TPST1: variants seen among roughly 807,000 people sequenced by gnomAD.
TPST1 encodes tyrosylprotein sulfotransferase 1.
In TPST1, 20 loss-of-function variants were observed where a neutral mutation model predicts 34.8. That is an observed-to-expected ratio of 0.57 (90% CI 0.40 to 0.84). The LOEUF (loss-of-function observed/expected upper bound fraction) is 0.84. Among genes scored for constraint, TPST1 ranks in the 40% least tolerant of loss-of-function variants. The pLI is 0.00. For missense variants in TPST1, 353 were observed against 455.5 expected (o/e 0.78, Z 2.05); for synonymous variants, 152 against 159.4 (o/e 0.95, Z 0.35).
At chr7:66,209,644 CT>C (rs1277944224) in intron 1 of TPST1, among the ~76,000 whole-genome samples, 1 of 152,186 alleles carries the variant, frequency 6.6e-6, no homozygotes, top group Non-Finnish European at 1.5e-5. Flanking sequence ...CTGGTTATCT[CT>C]GCAGTAAAGC....
chr7:66,313,044 T>A (rs1440965268), intron 3 of TPST1, among the ~76,000 whole-genome samples: 1 of 120,242 alleles, frequency 8.3e-6, no homozygotes, highest in Non-Finnish European at 1.7e-5. Flanking sequence ...TTCTTTTGAT[T>A]TTAAGGATCC....
intron 2 of TPST1, among the ~76,000 whole-genome samples, chr7:66,267,658 A>C (rs1790618434): frequency 6.6e-6 from 1 of 152,206 alleles, no homozygotes; most frequent in African/African-American, 2.4e-5. Flanking sequence ...CCTTATGCTA[A>C]CTATTAATCT....
chr7:66,284,905 C>T (rs772660893), intron 2 of TPST1, among the ~76,000 whole-genome samples: 13 of 152,130 alleles, frequency 8.5e-5, no homozygotes, highest in Non-Finnish European at 1.3e-4. Flanking sequence ...TTAATCATTT[C>T]TTTTCTTCCA....
In TPST1 at chr7:66,296,169, A is replaced by G. The variant is rs531588938; in HGVS notation, c.1044+9460A>G. On this transcript the variant is annotated intron_variant, in intron 3 of 5. Transcript: ENST00000304842. Reference sequence around the variant, plus strand: ...TGCTATGGTTTGAATCCATGTGACTAAAGAATCTATTTCATACACACTTGT... The same window carrying G: ...TGCTATGGTTTGAATCCATGTGACTGAAGAATCTATTTCATACACACTTGT... 2.5e-3 allele frequency among the ~76,000 whole-genome samples: 377 copies of G among 152,106 alleles called. 1 individual carries two copies. Among genetic ancestry groups the G allele is most frequent in the Non-Finnish European group, 4.0e-3 (269 of 68,000 alleles).
chr7:66,336,599 A>G (rs938122773), intron 3 of TPST1, among the ~76,000 whole-genome samples: 2 of 152,164 alleles, frequency 1.3e-5, no homozygotes, highest in African/African-American at 2.4e-5. Context: ...GACCTACAAG[A>G]ATTGTGGAAT....
At chr7:66,220,609 C>T (rs984635874) in intron 1 of TPST1, among the ~76,000 whole-genome samples, 3 of 116,548 alleles carry the variant, frequency 2.6e-5, no homozygotes, top group Admixed American at 1.3e-4. Context: ...GCAGTGCATG[C>T]GGAGGCTCAA....
chr7:66,336,814 A>C (rs1792130498), intron 3 of TPST1, among the ~76,000 whole-genome samples: 1 of 152,220 alleles, frequency 6.6e-6, no homozygotes, highest in African/African-American at 2.4e-5. Flanking sequence ...AATCTGGTTA[A>C]CAAAAATCAA....
Position 66,350,927 on chromosome 7 carries a change from T to C in TPST1, c.1045-1578T>C, listed in dbSNP as rs907185345. 4.6e-5 allele frequency among the ~76,000 whole-genome samples: 7 copies of C among 152,246 alleles called. No homozygotes were observed. The East Asian group carries it at 1.2e-3, about 25-fold the overall frequency. On this transcript the variant is annotated intron_variant, in intron 3 of 5. Transcript: ENST00000304842. Reference sequence around the variant, plus strand: ...TTTAACATTAAACCACTGACTTAATTCATTTATTGAATTTTGTTGTAGTAT... The same window carrying C: ...TTTAACATTAAACCACTGACTTAATCCATTTATTGAATTTTGTTGTAGTAT...
chr7:66,215,477 C>T (rs1404044294), intron 1 of TPST1, among the ~76,000 whole-genome samples: 4 of 151,146 alleles, frequency 2.6e-5, no homozygotes, highest in East Asian at 1.9e-4. Flanking sequence ...TGGGTTCACA[C>T]GATTCTCCTT....
intron 1 of TPST1, among the ~76,000 whole-genome samples, chr7:66,230,606 AG>A (rs1366256396): frequency 6.6e-6 from 1 of 152,164 alleles, no homozygotes; most frequent in Non-Finnish European, 1.5e-5. Context: ...CGCTGGCTTC[AG>A]GAGTGAAGCT....
intron 1 of TPST1, among the ~76,000 whole-genome samples, chr7:66,220,320 T>G (rs1050776369): frequency 6.6e-6 from 1 of 152,152 alleles, no homozygotes; most frequent in Admixed American, 6.5e-5. Context: ...ATTATACTTA[T>G]AGAATCTAAT....
chr7:66,307,124 C>G (rs62468677), intron 3 of TPST1, among the ~76,000 whole-genome samples: 5,520 of 152,046 alleles, frequency 0.036, 156 homozygotes, highest in East Asian at 0.078. Context: ...GGAACCAAAA[C>G]TCCACTTCAT....
At chr7:66,277,569 A>G (rs576146369) in intron 2 of TPST1, among the ~76,000 whole-genome samples, 2 of 152,270 alleles carry the variant, frequency 1.3e-5, no homozygotes, top group South Asian at 4.1e-4. Flanking sequence ...TGGTGAGATG[A>G]AAACTATTCA....
At chr7:66,234,555 C>T (rs546653894) in intron 1 of TPST1, among the ~76,000 whole-genome samples, 96 of 152,134 alleles carry the variant, frequency 6.3e-4, no homozygotes, top group African/African-American at 2.1e-3. Context: ...CAGAATTTTT[C>T]GTGCTTGGAA....
chr7:66,211,905 G>A (rs756120561), intron 1 of TPST1, among the ~76,000 whole-genome samples: 12 of 152,142 alleles, frequency 7.9e-5, no homozygotes, highest in Non-Finnish European at 1.5e-4. Flanking sequence ...GGCGGAGGTC[G>A]CAGTGAGCCA....
intron 2 of TPST1, among the ~76,000 whole-genome samples, chr7:66,253,593 T>C (rs910366485): frequency 1.3e-5 from 2 of 151,400 alleles, no homozygotes; most frequent in African/African-American, 4.9e-5. Context: ...GGATGGTCTC[T>C]CTCTCCTGAC....
upstream of TPST1, among the ~76,000 whole-genome samples, chr7:66,200,736 A>C (rs772977581): frequency 2.7e-5 from 4 of 146,658 alleles, no homozygotes; most frequent in Non-Finnish European, 6.0e-5. Flanking sequence ...ATCTTTTTTT[A>C]ATTTTTTTGA....
intron 2 of TPST1, among the ~76,000 whole-genome samples, chr7:66,284,221 C>G (rs981800259): frequency 3.3e-5 from 5 of 152,136 alleles, no homozygotes; most frequent in African/African-American, 1.2e-4. Flanking sequence ...ATAAATATGG[C>G]TTTCACTATT....
intron 3 of TPST1, among the ~76,000 whole-genome samples, chr7:66,305,961 C>T (rs1210391091): frequency 6.6e-6 from 1 of 152,230 alleles, no homozygotes; most frequent in African/African-American, 2.4e-5. Flanking sequence ...TTCTATTCCT[C>T]ATGTGATGAC....
Sources: allele counts gnomAD v4.1 joint callset (sites outside exome capture counted in the v4.1 genomes callset), GRCh38; gene constraint gnomAD v4.1.1; transcripts MANE v1.5; gene names NCBI Gene and HGNC (gene_info 2026-07-23, HGNC 2026-07-21).